The following SOX5 variants were observed in gnomAD, a reference collection of about 807,000 sequenced individuals.
SOX5 encodes the protein SRY-box transcription factor 5.
Under a neutral mutation model 92.0 loss-of-function variants are expected in SOX5, and 9 were observed. The observed-to-expected ratio is 0.10, with a 90% confidence interval of 0.06 to 0.17. The LOEUF (loss-of-function observed/expected upper bound fraction) is 0.17. Ranked by LOEUF, SOX5 falls within the 10% of genes least tolerant of loss-of-function variation. The probability of loss-of-function intolerance (pLI) is 1.00; values close to 1 mark genes in which losing one functional copy is unlikely to be tolerated. For synonymous variants in SOX5, 344 were observed against 336.3 expected (o/e 1.02, Z -0.25); for missense variants, 642 against 944.5 (o/e 0.68, Z 4.20).
intron 3 of SOX5, among the ~76,000 whole-genome samples, chr12:23,780,065 G>T (rs959983691): frequency 8.7e-5 from 13 of 149,956 alleles, no homozygotes; most frequent in African/African-American, 3.2e-4. Flanking sequence ...AATCAATGTT[G>T]TCTTGACAAG....
intron 2 of SOX5, among the ~76,000 whole-genome samples, chr12:24,307,214 C>T (rs1240590383): frequency 1.3e-5 from 2 of 152,120 alleles, no homozygotes; most frequent in African/African-American, 4.8e-5. Flanking sequence ...CACCAGGGTC[C>T]TCTGAAAGAG....
chr12:24,301,439 T>A (rs997391683), intron 2 of SOX5, among the ~76,000 whole-genome samples: 1 of 152,240 alleles, frequency 6.6e-6, no homozygotes, highest in Non-Finnish European at 1.5e-5. Flanking sequence ...ATCATGAATG[T>A]ATCTCATAAT....
At chr12:24,558,481 T>C (rs976872626) in intron 1 of SOX5, among the ~76,000 whole-genome samples, 5 of 152,162 alleles carry the variant, frequency 3.3e-5, no homozygotes, top group Non-Finnish European at 7.4e-5. Context: ...AATGTCCCCA[T>C]ATGGCCTGGC....
At chr12:23,547,483 T>A (rs924331978) in intron 11 of SOX5, among the ~76,000 whole-genome samples, 1 of 152,082 alleles carries the variant, frequency 6.6e-6, no homozygotes, top group Non-Finnish European at 1.5e-5. Flanking sequence ...AAGTAATCAA[T>A]GATGTAAGAT....
intron 2 of SOX5, among the ~76,000 whole-genome samples, chr12:24,278,627 C>T (rs900325811): frequency 5.9e-5 from 9 of 152,068 alleles, no homozygotes; most frequent in African/African-American, 2.2e-4. Flanking sequence ...GAGAGGACTG[C>T]TTGAGTCCAG....
chr12:23,930,464 T>G (rs1004092601), intron 1 of SOX5, among the ~76,000 whole-genome samples: 1 of 151,732 alleles, frequency 6.6e-6, no homozygotes, highest in African/African-American at 2.4e-5. Flanking sequence ...TGAAGGAATT[T>G]GCAACATAGA....
chr12:24,095,982 T>C (rs976239408), intron 4 of SOX5, among the ~76,000 whole-genome samples: 3 of 152,192 alleles, frequency 2.0e-5, no homozygotes, highest in Non-Finnish European at 2.9e-5. Context: ...CTTACAGCAA[T>C]ATGAAAATGG....
At chr12:23,806,571 C>T (rs2095775838) in intron 3 of SOX5, among the ~76,000 whole-genome samples, 1 of 142,684 alleles carries the variant, frequency 7.0e-6, no homozygotes, top group Admixed American at 7.2e-5. Flanking sequence ...TAAAATTTAT[C>T]CTTTTTCCAC....
At chr12:23,923,449 CAGTT>C (rs1358368098) in intron 1 of SOX5, among the ~76,000 whole-genome samples, 3 of 152,014 alleles carry the variant, frequency 2.0e-5, no homozygotes, top group East Asian at 1.9e-4. Context: ...AATAGATAAA[CAGTT>C]AGAAGGTGAA....
chr12:23,735,086 T>G (rs973461542), intron 5 of SOX5, among the ~76,000 whole-genome samples: 1 of 152,216 alleles, frequency 6.6e-6, no homozygotes, highest in African/African-American at 2.4e-5. Context: ...AGCCCTTTTC[T>G]ATAACAGAGT....
chr12:24,112,204 A>C (rs1947435255), intron 4 of SOX5, among the ~76,000 whole-genome samples: 1 of 152,236 alleles, frequency 6.6e-6, no homozygotes, highest in African/African-American at 2.4e-5. Context: ...TGAAACTGGA[A>C]AGTTTGAGAA....
chr12:24,038,830 T>G (rs1956280380), intron 4 of SOX5, among the ~76,000 whole-genome samples: 1 of 152,160 alleles, frequency 6.6e-6, no homozygotes, highest in Non-Finnish European at 1.5e-5. Context: ...CATCAATATT[T>G]ACAATATCTC....
chr12:24,095,124 C>CAGAGAGAGAGAGAGAGAG (rs1295495095), intron 4 of SOX5, among the ~76,000 whole-genome samples: 62 of 105,090 alleles, frequency 5.9e-4, no homozygotes, highest in South Asian at 1.2e-3. Context: ...CACACACACA[C>CAGAGAGAGAGAGAGAGAG]ACACAGAGAG....
rs375728718 is a variant in SOX5 at position 23,659,557 on chromosome 12, G to T, written c.931+5887C>A. On this transcript the variant is annotated intron_variant, in intron 7 of 14. Transcript: ENST00000451604. ...TCAATGTTTTAAAATGCAGAATGAG[G>T]ATGTGAATATATTTCTAGTTTTATA... Among the ~76,000 whole-genome samples, 10 of 152,262 alleles carry T rather than the reference G, an allele frequency of 6.6e-5. No homozygotes were observed. In the South Asian group the frequency reaches 2.1e-3, roughly 32 times the overall value.
intron 6 of SOX5, among the ~76,000 whole-genome samples, chr12:23,729,437 C>A (rs2093303976): frequency 6.6e-6 from 1 of 152,050 alleles, no homozygotes; most frequent in Admixed American, 6.6e-5. Context: ...CTGAAGCAAC[C>A]AAGTTCCTTC....
chr12:24,204,485 T>C (rs1247268957), intron 4 of SOX5, among the ~76,000 whole-genome samples: 1 of 151,990 alleles, frequency 6.6e-6, no homozygotes, highest in Non-Finnish European at 1.5e-5. Context: ...GCCACTACCA[T>C]GTCTGACTAA....
chr12:24,291,997 T>C (rs1946671856), intron 2 of SOX5, among the ~76,000 whole-genome samples: 1 of 152,190 alleles, frequency 6.6e-6, no homozygotes. Context: ...ACTACTGTAA[T>C]TCACCCAACA....
chr12:24,134,967 T>C (rs997445505), intron 4 of SOX5, among the ~76,000 whole-genome samples: 4 of 152,158 alleles, frequency 2.6e-5, no homozygotes, highest in African/African-American at 4.8e-5. Context: ...AAATCTGTCC[T>C]GGACTGAAAG....
chr12:23,855,386 T>C (rs888750668), intron 2 of SOX5, among the ~76,000 whole-genome samples: 3 of 152,048 alleles, frequency 2.0e-5, no homozygotes, highest in African/African-American at 7.2e-5. Flanking sequence ...AGTTTCATGG[T>C]TCTCTACAAA....
Sources: allele counts gnomAD v4.1 joint callset (sites outside exome capture counted in the v4.1 genomes callset), GRCh38; gene constraint gnomAD v4.1.1; transcripts MANE v1.5; gene names NCBI Gene and HGNC (gene_info 2026-07-23, HGNC 2026-07-21).